Variants in C16orf87 observed in about 807,000 individuals in gnomAD.
C16orf87 encodes the protein UPF0547 protein C16orf87.
C16orf87 carries 13 observed loss-of-function variants against 21.0 expected under a neutral mutation model. The observed-to-expected ratio is 0.62, with a 90% CI of 0.40 to 0.98. The LOEUF is 0.98. C16orf87 is among the 50% of genes least tolerant of loss of function. The pLI, the probability that C16orf87 is intolerant of heterozygous loss-of-function variation, is 0.00. For missense variants in C16orf87, 113 were observed against 180.4 expected (o/e 0.63, Z 2.14); for synonymous variants, 49 against 60.2 (o/e 0.81, Z 0.86).
intron 1 of C16orf87, among the ~76,000 whole-genome samples, chr16:46,827,744 G>A (rs576345650): frequency 5.9e-5 from 9 of 151,514 alleles, no homozygotes; most frequent in East Asian, 3.9e-4. Flanking sequence ...CACCACGCCC[G>A]GATAATTTTT....
intron 2 of C16orf87, among the ~76,000 whole-genome samples, chr16:46,815,881 C>T (rs1224500140): frequency 6.6e-6 from 1 of 152,210 alleles, no homozygotes; most frequent in East Asian, 1.9e-4. Context: ...ACATATGATC[C>T]AGCAATTCCT....
rs2143027291 is a variant in C16orf87, at chr16:46,801,552, T to C, written c.*1400A>G. ...AATAAATAAAATGCATACAAAATAGTTGCAGTAGTACCTGCAGATAGATAC... is the reference window on the plus strand; with the variant it reads ...AATAAATAAAATGCATACAAAATAGCTGCAGTAGTACCTGCAGATAGATAC... On this transcript the variant is annotated 3_prime_UTR_variant, in exon 4 of 4. Transcript: ENST00000285697. The C allele has an allele frequency of 6.6e-6, 1 of 152,272 alleles. No individual in the cohort carries two copies. The allele number at this position is 152,272 out of a possible 1,614,324, so 9.4% of individuals were successfully genotyped here. A position where few individuals can be genotyped will look rare whatever the true frequency, so the allele number is the denominator to read the frequency against.
chr16:46,825,982 T>C (rs747727574), intron 1 of C16orf87, among the ~76,000 whole-genome samples: 1 of 151,972 alleles, frequency 6.6e-6, no homozygotes, highest in Non-Finnish European at 1.5e-5. Flanking sequence ...TATTAGGTCT[T>C]ATTCTTTCTA....
rs769202424 is a variant in C16orf87 at position 46,831,167 on chromosome 16, G to C, written c.-18C>G. ...GCAGACATGCTCCTCTCCCTTAGCGGCGGCAGCAGCGACGGCTCGGGCTCC... is the reference window on the plus strand; with the variant it reads ...GCAGACATGCTCCTCTCCCTTAGCGCCGGCAGCAGCGACGGCTCGGGCTCC... On this transcript the variant is annotated 5_prime_UTR_variant, in exon 1 of 4. Coordinates refer to ENST00000285697, the MANE Select transcript of C16orf87 (RefSeq NM_001001436.4). The C allele has an allele frequency of 6.4e-7, 1 of 1,552,658 alleles. No homozygotes were observed. The highest frequency in any genetic ancestry group is 1.4e-5 in the African/African-American group (1 of 71,026).
chr16:46,818,980 T>C (rs956371948), intron 2 of C16orf87, among the ~76,000 whole-genome samples: 2 of 152,268 alleles, frequency 1.3e-5, no homozygotes, highest in African/African-American at 4.8e-5. Context: ...CCATAGGGCA[T>C]AGGCCAAGTA....
chr16:46,825,893 A>G (rs924219925), intron 1 of C16orf87, among the ~76,000 whole-genome samples: 4 of 151,334 alleles, frequency 2.6e-5, no homozygotes, highest in African/African-American at 9.7e-5. Context: ...TAGCCTGGGC[A>G]ACATGAGCAA....
intron 3 of C16orf87, among the ~76,000 whole-genome samples, chr16:46,807,445 AAAAG>A (rs1398708181): frequency 6.6e-6 from 1 of 152,050 alleles, no homozygotes; most frequent in Non-Finnish European, 1.5e-5. Flanking sequence ...GCAAGGAAAG[AAAAG>A]AAAGAAAGAG....
intron 2 of C16orf87, among the ~76,000 whole-genome samples, chr16:46,823,612 A>G (rs1356722097): frequency 1.3e-5 from 2 of 152,180 alleles, no homozygotes; most frequent in East Asian, 3.9e-4. Flanking sequence ...ACCAAAACCA[A>G]GCTATATTTT....
intron 1 of C16orf87, among the ~76,000 whole-genome samples, chr16:46,824,793 G>A (rs1336107034): frequency 6.6e-6 from 1 of 151,312 alleles, no homozygotes; most frequent in Non-Finnish European, 1.5e-5. Context: ...AGCCTCCCAA[G>A]TAGCTGGGAC....
chr16:46,798,975 G>A lies in C16orf87; in HGVS notation c.*3977C>T, dbSNP rs912741900. The A allele has an allele frequency of 6.6e-6, 1 of 152,052 alleles. No homozygotes were observed. Among genetic ancestry groups the A allele is most frequent in the Non-Finnish European group, 1.5e-5 (1 of 68,014 alleles). 9.4% of individuals were successfully genotyped at this position (152,052 alleles called of 1,614,324 possible). A position where few individuals can be genotyped will look rare whatever the true frequency, so the allele number is the denominator to read the frequency against. Reference sequence around the variant, plus strand: ...GTTATTTAATGCTTAATGACTGAATGTTTCCCCCCTACAACTGGATCAAGG... The same window carrying A: ...GTTATTTAATGCTTAATGACTGAATATTTCCCCCCTACAACTGGATCAAGG... On this transcript the variant is annotated 3_prime_UTR_variant, in exon 4 of 4. Coordinates refer to ENST00000285697, the MANE Select transcript of C16orf87 (RefSeq NM_001001436.4).
At chr16:46,824,905 C>T (rs1959557101) in intron 1 of C16orf87, among the ~76,000 whole-genome samples, 1 of 152,068 alleles carries the variant, frequency 6.6e-6, no homozygotes, top group Non-Finnish European at 1.5e-5. Flanking sequence ...ACCTCGTGAT[C>T]CGCCCACCTC....
chr16:46,807,232 GGA>G (rs569208676), intron 3 of C16orf87, among the ~76,000 whole-genome samples: 29 of 152,278 alleles, frequency 1.9e-4, no homozygotes, highest in African/African-American at 6.7e-4. Context: ...CTTGAGCCCA[GGA>G]GTTTGAGACC....
At chr16:46,822,699 A>T (rs1186409162) in intron 2 of C16orf87, among the ~76,000 whole-genome samples, 3 of 152,330 alleles carry the variant, frequency 2.0e-5, no homozygotes, top group Admixed American at 1.3e-4. Context: ...TCTTTGTCTA[A>T]CTCAGTATTC....
chr16:46,824,423 TAA>T lies in C16orf87; in HGVS notation c.124_125del (p.Leu42LysfsTer17). On this transcript the variant is annotated frameshift_variant, in exon 2 of 4. Transcript: ENST00000285697. LOFTEE classifies it high-confidence loss of function. ...GTGATTTCTCTGAGTGTTTTGCATT[TAA>T]AAGTTTTCTGCTAATAAATATGTAA... The part of the protein sequence containing the change: ...CGYIFISRKL[L>X]NAKHSEKSPP... The T allele has an allele frequency of 6.3e-7, 1 of 1,584,124 alleles. No individual in the cohort carries two copies. The highest frequency in any genetic ancestry group is 1.1e-5 in the South Asian group (1 of 87,326).
At chr16:46,830,936 C>T (rs1244887610) in intron 1 of C16orf87, 148 bp downstream of exon 1, 4 of 467,034 alleles carry the variant, frequency 8.6e-6, no homozygotes, top group Non-Finnish European at 1.5e-5. Context: ...CTCGGTGCAG[C>T]CCGACCGGCC....
At chr16:46,822,747 T>C (rs750603305) in intron 2 of C16orf87, among the ~76,000 whole-genome samples, 1 of 152,236 alleles carries the variant, frequency 6.6e-6, no homozygotes, top group South Asian at 2.1e-4. Flanking sequence ...TCCATATTTG[T>C]ACCCCTACAA....
chr16:46,830,384 CG>C (rs1959808303), intron 1 of C16orf87, among the ~76,000 whole-genome samples: 1 of 150,388 alleles, frequency 6.6e-6, no homozygotes, highest in African/African-American at 2.5e-5. Context: ...GTGGATACTG[CG>C]AGGGGTGGGG....
intron 2 of C16orf87, among the ~76,000 whole-genome samples, 197 bp downstream of exon 2, chr16:46,824,189 T>C (rs1197918421): frequency 1.3e-5 from 2 of 152,226 alleles, no homozygotes; most frequent in Non-Finnish European, 2.9e-5. Context: ...GTTATCAGCA[T>C]TGTAAGGGAC....
At position 46,824,454 on chromosome 16, in the gene C16orf87, C is replaced by A; in HGVS notation, c.95G>T (p.Cys32Phe). ...QVPVACKSCP[C>F]GYIFISRKLL... ...TTTTCTGCTAATAAATATGTAACCA[C>A]AAGGACATGATTTACATGCAACAGG... is the stretch of plus-strand genomic sequence containing the variant. Residue 32 changes from cysteine (C) to phenylalanine (F), a missense_variant, in exon 2 of 4, where the codon TGT (cysteine) becomes TTT (phenylalanine). By Grantham distance (205) the Cys-to-Phe change is radical (BLOSUM62 -2). Transcript: ENST00000285697. 1 of 1,571,988 alleles carries A rather than the reference C, an allele frequency of 6.4e-7. No homozygotes were observed. Among genetic ancestry groups the A allele is most frequent in the East Asian group, 2.3e-5 (1 of 43,792 alleles).
Sources: gnomAD v4.1 joint callset for allele counts (sites outside exome capture counted in the v4.1 genomes callset) on GRCh38, gnomAD v4.1.1 for gene constraint, MANE v1.5 for transcripts, NCBI Gene and HGNC (gene_info 2026-07-23, HGNC 2026-07-21) for gene names.